HEXIM1: variants seen among roughly 807,000 people sequenced by gnomAD.
HEXIM1 encodes HEXIM P-TEFb complex subunit 1.
HEXIM1 carries 1 observed loss-of-function variant against 30.3 expected under a neutral mutation model. The observed-to-expected ratio is 0.03, with a 90% CI of 0.01 to 0.16. The LOEUF is 0.16. Among genes scored for constraint, HEXIM1 ranks in the 10% least tolerant of loss-of-function variants. The pLI is 1.00. For synonymous variants in HEXIM1, 245 were observed against 208.3 expected, an observed-to-expected ratio of 1.18 and a Z score of -1.52; for missense variants, 391 against 476.4, an observed-to-expected ratio of 0.82 and a Z score of 1.67.
chr17:45,149,566 G>A lies in HEXIM1; in HGVS notation c.376G>A (p.Glu126Lys), dbSNP rs776691576. The change falls in exon 1 of 1, where the codon GAG becomes AAG. Residue 126 changes from glutamate (E) to lysine (K), a missense_variant. This residue lies in a region of HEXIM1 where 230 missense variants were observed against 199.4 expected (regional missense o/e 1.15). Transcript: ENST00000332499. The surrounding 1 kb of genome is among the most constrained non-coding windows in gnomAD (Gnocchi z 5.3). ...ELLAQPCHDS[E>K]ASKLGAPAAG... ...GCTCGCCCAGCCTTGTCATGACTCC[G>A]AGGCCAGTAAGTTGGGGGCTCCTGC... The A allele has an allele frequency of 1.7e-5, 28 of 1,608,564 alleles. No individual in the cohort carries two copies. In the Middle Eastern group the frequency reaches 5.0e-4, roughly 28 times the overall value.
rs2144014286 is a variant in HEXIM1 at position 45,149,979 on chromosome 17, G to T, written c.789G>T (p.Leu263=). The change falls in exon 1 of 1, where the codon CTG becomes CTT. Residue 263 remains leucine, a synonymous_variant. Transcript: ENST00000332499. The surrounding 1 kb of genome is among the most constrained non-coding windows in gnomAD (Gnocchi z 5.3). ...TGGGAGGGGACGGCAGCGAGTTTCT[G>T]CAGCGGGACTTCTCGGAGACGTACG... is the stretch of plus-strand genomic sequence containing the variant. ...DGMGGDGSEF[L]QRDFSETYER... is the part of the protein sequence containing the mutation. 6.2e-7 allele frequency: 1 copy of T among 1,614,108 alleles called. No individual in the cohort carries two copies. The highest frequency in any genetic ancestry group is 8.5e-7 in the Non-Finnish European group (1 of 1,180,028).
Position 45,150,337 on chromosome 17 carries a change from CAT to C in HEXIM1, c.*68_*69del, listed in dbSNP as rs2055538589. On this transcript the variant is annotated 3_prime_UTR_variant, in exon 1 of 1. Coordinates refer to ENST00000332499, the MANE Select transcript of HEXIM1 (RefSeq NM_006460.3). Reference sequence around the variant, plus strand: ...CAGTGATGGAATGTAACATTATATACATGTGTATATAAGACAGTGGACCTTTT... The same window carrying C: ...CAGTGATGGAATGTAACATTATATACGTGTATATAAGACAGTGGACCTTTT... 2.6e-6 allele frequency: 4 copies of C among 1,538,076 alleles called. No homozygotes were observed. The highest frequency in any genetic ancestry group is 2.3e-5 in the East Asian group (1 of 44,222).
Position 45,150,249 on chromosome 17 carries a change from G to C in HEXIM1, c.1059G>C (p.Pro353=), listed in dbSNP as rs955720271. 90 of 1,608,530 alleles carry C rather than the reference G, an allele frequency of 5.6e-5. No homozygotes were observed. Among genetic ancestry groups the C allele is most frequent in the Non-Finnish European group, 7.7e-5 (90 of 1,176,358 alleles). ...NELHRQQERA[P]LSKFGD ...TGCACCGGCAGCAGGAGCGAGCGCCGCTTTCCAAGTTTGGAGACTAGACTG... is the reference window on the plus strand; with the variant it reads ...TGCACCGGCAGCAGGAGCGAGCGCCCCTTTCCAAGTTTGGAGACTAGACTG... The change falls in exon 1 of 1, where the codon CCG becomes CCC. Residue 353 remains proline, a synonymous_variant. Transcript: ENST00000332499.
chr17:45,150,513 A>C lies in HEXIM1; in HGVS notation c.*243A>C. ...TCCTTTTTAGAAGTTTTTTTCCTTA[A>C]TGTGAAAGTAATTTGACCAAGTTAT... On this transcript the variant is annotated 3_prime_UTR_variant, in exon 1 of 1. Coordinates refer to ENST00000332499, the MANE Select transcript of HEXIM1 (RefSeq NM_006460.3). The C allele has an allele frequency of 2.1e-6, 1 of 487,296 alleles. No homozygotes were observed. The allele number at this position is 487,296 out of a possible 1,614,324, so 30.2% of individuals were successfully genotyped here.
At position 45,149,169 on chromosome 17, in the gene HEXIM1, A is replaced by T. The variant is rs1246931398; in HGVS notation, c.-22A>T. 1.9e-6 allele frequency: 3 copies of T among 1,544,198 alleles called. No individual in the cohort carries two copies. Among genetic ancestry groups the T allele is most frequent in the Non-Finnish European group, 2.6e-6 (3 of 1,147,890 alleles). The stretch of plus-strand genomic sequence containing the variant: ...AGGACTTACTAGCCAAAATTTCTTA[A>T]ACTTCGAGGACTCTACTAGCCATGG... On this transcript the variant is annotated 5_prime_UTR_variant, in exon 1 of 1. Coordinates refer to ENST00000332499, the MANE Select transcript of HEXIM1 (RefSeq NM_006460.3). The surrounding 1 kb of genome is among the most constrained non-coding windows in gnomAD (Gnocchi z 5.3).
rs552016551 is a variant in HEXIM1 at position 45,149,857 on chromosome 17, G to T, written c.667G>T (p.Gly223Cys). The change falls in exon 1 of 1, where the codon GGC (glycine) becomes TGC (cysteine). Residue 223 changes from glycine to cysteine, a missense_variant. By Grantham distance (159) the Gly-to-Cys change is radical. This residue lies in a region of HEXIM1 where 38 missense variants were observed against 40.0 expected (regional missense o/e 0.95). Transcript: ENST00000332499. The surrounding 1 kb of genome is among the most constrained non-coding windows in gnomAD (Gnocchi z 5.3). ...CCAGGAGGAGCCGGATCTCAAAACC[G>T]GCCTGTACTCCAAGCGGGCCGCCGC... ...HDQEEPDLKTGLYSKRAAAKS... is the reference protein window; with the variant it reads ...HDQEEPDLKTCLYSKRAAAKS... 2 of 1,613,610 alleles carry T rather than the reference G, an allele frequency of 1.2e-6. No individual in the cohort carries two copies. The highest frequency in any genetic ancestry group is 2.2e-5 in the East Asian group (1 of 44,872).
In HEXIM1 at chr17:45,148,496, G is replaced by A. The variant is rs2055519955; in HGVS notation, c.-695G>A. ...AGACAGCAGTTGGAAGTTGGCAGGT[G>A]GAGAGGCAGGTTGGGAGGGAAAGTC... On this transcript the variant is annotated 5_prime_UTR_variant, in exon 1 of 1. Transcript: ENST00000332499. 2 of 398,900 alleles carry A rather than the reference G, an allele frequency of 5.0e-6. No individual in the cohort carries two copies. Among genetic ancestry groups the A allele is most frequent in the Admixed American group, 4.4e-5 (1 of 22,718 alleles). The allele number at this position is 398,900 out of a possible 1,614,324, so 24.7% of individuals were successfully genotyped here. A position where few individuals can be genotyped will look rare whatever the true frequency, so the allele number is the denominator to read the frequency against.
rs2055529584 is a variant in HEXIM1 at position 45,149,501 on chromosome 17, C to G, written c.311C>G (p.Pro104Arg). 1 of 1,609,174 alleles carries G rather than the reference C, an allele frequency of 6.2e-7. No individual in the cohort carries two copies. Among genetic ancestry groups the G allele is most frequent in the Non-Finnish European group, 8.5e-7 (1 of 1,178,486 alleles). ...GACTCGTCCGCTGGCGGCGACTTCCCGCCGCCGGCAGAAGTGGAACCGACG... is the reference window on the plus strand; with the variant it reads ...GACTCGTCCGCTGGCGGCGACTTCCGGCCGCCGGCAGAAGTGGAACCGACG... Reference protein sequence around the residue: ...GDDSSAGGDFPPPAEVEPTPE... With the variant: ...GDDSSAGGDFRPPAEVEPTPE... The change falls in exon 1 of 1, where the codon CCG (proline) becomes CGG (arginine). Residue 104 changes from proline (P) to arginine (R), a missense_variant. By Grantham distance (103) the Pro-to-Arg change is moderately radical (BLOSUM62 -2). This residue lies in a region of HEXIM1 where 230 missense variants were observed against 199.4 expected (regional missense o/e 1.15). Transcript: ENST00000332499. This position sits in a 1 kb window ranked among gnomAD's most constrained non-coding sequence, Gnocchi z 5.3.
chr17:45,150,425 T>C lies in HEXIM1; in HGVS notation c.*155T>C. ...TTGGTTTCGTAAATTTAGCTATATGTAGCTTGCGTGCTTTCTCCTGTTCTT... is the reference window on the plus strand; with the variant it reads ...TTGGTTTCGTAAATTTAGCTATATGCAGCTTGCGTGCTTTCTCCTGTTCTT... On this transcript the variant is annotated 3_prime_UTR_variant, in exon 1 of 1. Transcript: ENST00000332499. The C allele has an allele frequency of 1.3e-6, 1 of 763,386 alleles. No homozygotes were observed. Among genetic ancestry groups the C allele is most frequent in the Non-Finnish European group, 2.1e-6 (1 of 477,880 alleles). The allele number at this position is 763,386 out of a possible 1,614,324, so 47.3% of individuals were successfully genotyped here. A position where few individuals can be genotyped will look rare whatever the true frequency, so the allele number is the denominator to read the frequency against.
rs745722539 is a variant in HEXIM1, at chr17:45,149,315, A to C, written c.125A>C (p.Glu42Ala). ...RPPGAEERVP[E>A]EDSRWQSRAF... ...CCAGGCGCGGAGGAGCGGGTGCCCGAGGAGGACAGTAGGTGGCAATCGAGA... is the reference window on the plus strand; with the variant it reads ...CCAGGCGCGGAGGAGCGGGTGCCCGCGGAGGACAGTAGGTGGCAATCGAGA... Residue 42 changes from glutamate to alanine, a missense_variant, in exon 1 of 1, where the codon GAG becomes GCG. Glu to Ala is a moderately radical substitution (Grantham distance 107). Around this residue, in one of 5 missense-constraint regions of HEXIM1, gnomAD observed 230 missense variants for 199.4 expected, o/e 1.15. Coordinates refer to ENST00000332499, the MANE Select transcript of HEXIM1 (RefSeq NM_006460.3). This position sits in a 1 kb window ranked among gnomAD's most constrained non-coding sequence, Gnocchi z 5.3. 5 of 1,613,392 alleles carry C rather than the reference A, an allele frequency of 3.1e-6. No homozygotes were observed. Among genetic ancestry groups the C allele is most frequent in the Admixed American group, 1.7e-5 (1 of 59,984 alleles).
At position 45,148,618 on chromosome 17, in the gene HEXIM1, C is replaced by A; in HGVS notation, c.-573C>A. Reference sequence around the variant, plus strand: ...GAACTGAGCAGAGCAGAGCATCGAGCCAAAGGGGAGATGAGTTTGTCTGTC... The same window carrying A: ...GAACTGAGCAGAGCAGAGCATCGAGACAAAGGGGAGATGAGTTTGTCTGTC... On this transcript the variant is annotated 5_prime_UTR_variant, in exon 1 of 1. Transcript: ENST00000332499. 2.5e-6 allele frequency: 1 copy of A among 399,260 alleles called. No individual in the cohort carries two copies. Among genetic ancestry groups the A allele is most frequent in the Non-Finnish European group, 4.4e-6 (1 of 226,428 alleles). 24.7% of individuals were successfully genotyped at this position (399,260 alleles called of 1,614,324 possible). A position where few individuals can be genotyped will look rare whatever the true frequency, so the allele number is the denominator to read the frequency against.
Position 45,149,748 on chromosome 17 carries a change from T to C in HEXIM1, c.558T>C (p.Ala186=), listed in dbSNP as rs757165785. 8.1e-6 allele frequency: 13 copies of C among 1,613,636 alleles called. No homozygotes were observed. The highest frequency in any genetic ancestry group is 1.1e-5 in the Non-Finnish European group (13 of 1,179,954). The change falls in exon 1 of 1, where the codon GCT becomes GCC. Residue 186 remains alanine, a synonymous_variant. Coordinates refer to ENST00000332499, the MANE Select transcript of HEXIM1 (RefSeq NM_006460.3). The surrounding 1 kb of genome is among the most constrained non-coding windows in gnomAD (Gnocchi z 5.3). The stretch of plus-strand genomic sequence containing the variant: ...TCGACGAGAAACAGAGCCTTCGAGC[T>C]TCAAGGATCCGAGCCGAGATGTTCG... The part of the protein sequence containing the change: ...KKFDEKQSLR[A]SRIRAEMFAK...
rs2055545417 is a variant in HEXIM1, at chr17:45,151,151, A to G, written c.*881A>G. ...GTAAGGCTGGAAGAGGCTCTTGGCA[A>G]ACTTCTTAGTGCAAGCAATGGTTAG... On this transcript the variant is annotated 3_prime_UTR_variant, in exon 1 of 1. Transcript: ENST00000332499. 1 of 167,050 alleles carries G rather than the reference A, an allele frequency of 6.0e-6. No homozygotes were observed. The highest frequency in any genetic ancestry group is 2.1e-4 in the South Asian group (1 of 4,826). The allele number at this position is 167,050 out of a possible 1,614,324, so 10.3% of individuals were successfully genotyped here. A position where few individuals can be genotyped will look rare whatever the true frequency, so the allele number is the denominator to read the frequency against.
In HEXIM1 at chr17:45,149,097, T is replaced by G; in HGVS notation, c.-94T>G. On this transcript the variant is annotated 5_prime_UTR_variant, in exon 1 of 1. Coordinates refer to ENST00000332499, the MANE Select transcript of HEXIM1 (RefSeq NM_006460.3). This position sits in a 1 kb window ranked among gnomAD's most constrained non-coding sequence, Gnocchi z 5.3. ...CTGAAGAGGACTCTGTTGGACTGTT[T>G]TTTTTTTCTTTTTCTTTTTTTTAAG... 1 of 1,264,606 alleles carries G rather than the reference T, an allele frequency of 7.9e-7. No individual in the cohort carries two copies. Among genetic ancestry groups the G allele is most frequent in the Non-Finnish European group, 1.1e-6 (1 of 934,948 alleles). The allele number at this position is 1,264,606 out of a possible 1,614,324, so 78.3% of individuals were successfully genotyped here. A position where few individuals can be genotyped will look rare whatever the true frequency, so the allele number is the denominator to read the frequency against.
At position 45,150,353 on chromosome 17, in the gene HEXIM1, A is replaced by T. The variant is rs530637216; in HGVS notation, c.*83A>T. On this transcript the variant is annotated 3_prime_UTR_variant, in exon 1 of 1. Transcript: ENST00000332499. ...CATTATATACATGTGTATATAAGAC[A>T]GTGGACCTTTTTATGACACATAATC... The T allele has an allele frequency of 2.7e-6, 4 of 1,474,064 alleles. No homozygotes were observed. The highest frequency in any genetic ancestry group is 3.7e-6 in the Non-Finnish European group (4 of 1,091,974). 91.3% of individuals were successfully genotyped at this position (1,474,064 alleles called of 1,614,324 possible).
rs1019509788 is a variant in HEXIM1 at position 45,151,585 on chromosome 17, G to A, written c.*1315G>A. ...AACAGAAATTATGAGATTGCCTCCT[G>A]TCATTTTGGTTAACCCAGTCCTTCA... is the stretch of plus-strand genomic sequence containing the variant. On this transcript the variant is annotated 3_prime_UTR_variant, in exon 1 of 1. Transcript: ENST00000332499. 1.8e-5 allele frequency: 3 copies of A among 167,112 alleles called. No homozygotes were observed. Among genetic ancestry groups the A allele is most frequent in the African/African-American group, 7.2e-5 (3 of 41,458 alleles). The allele number at this position is 167,112 out of a possible 1,614,324, so 10.4% of individuals were successfully genotyped here. A position where few individuals can be genotyped will look rare whatever the true frequency, so the allele number is the denominator to read the frequency against.
At position 45,149,347 on chromosome 17, in the gene HEXIM1, C is replaced by T; in HGVS notation, c.157C>T (p.Pro53Ser). The change falls in exon 1 of 1, where the codon CCC becomes TCC. Residue 53 changes from proline to serine, a missense_variant. This residue lies in a region of HEXIM1 where 230 missense variants were observed against 199.4 expected (regional missense o/e 1.15). Coordinates refer to ENST00000332499, the MANE Select transcript of HEXIM1 (RefSeq NM_006460.3). This position sits in a 1 kb window ranked among gnomAD's most constrained non-coding sequence, Gnocchi z 5.3. Reference sequence around the variant, plus strand: ...CAGTAGGTGGCAATCGAGAGCGTTCCCCCAGTTGGGTGGCCGTCCGGGGCC... The same window carrying T: ...CAGTAGGTGGCAATCGAGAGCGTTCTCCCAGTTGGGTGGCCGTCCGGGGCC... ...EDSRWQSRAF[P>S]QLGGRPGPEG... 6.2e-7 allele frequency: 1 copy of T among 1,613,534 alleles called. No individual in the cohort carries two copies. The highest frequency in any genetic ancestry group is 8.5e-7 in the Non-Finnish European group (1 of 1,179,948).
chr17:45,150,090 C>G lies in HEXIM1; in HGVS notation c.900C>G (p.Arg300=). Residue 300 remains arginine (R), a synonymous_variant, in exon 1 of 1, where the codon CGC becomes CGG. Transcript: ENST00000332499. ...TGGAACTGGAGAAGTGCCTCTCGCG[C>G]ATGGAGGACGAGAACAACCGGCTGC... ...EYLELEKCLS[R]MEDENNRLRL... 1 of 1,613,874 alleles carries G rather than the reference C, an allele frequency of 6.2e-7. No individual in the cohort carries two copies. The highest frequency in any genetic ancestry group is 8.5e-7 in the Non-Finnish European group (1 of 1,180,036).
In HEXIM1 at chr17:45,150,459, G is replaced by C. The variant is rs1598116137; in HGVS notation, c.*189G>C. The C allele has an allele frequency of 2.3e-5, 14 of 603,546 alleles. No individual in the cohort carries two copies. The East Asian group carries it at 4.2e-4, about 18-fold the overall frequency. 37.4% of individuals were successfully genotyped at this position (603,546 alleles called of 1,614,324 possible). A position where few individuals can be genotyped will look rare whatever the true frequency, so the allele number is the denominator to read the frequency against. ...TGCTTTCTCCTGTTCTTTTAATTAT[G>C]TGAAACTGAAGAGTTGCTTTTCTTG... is the stretch of plus-strand genomic sequence containing the variant. On this transcript the variant is annotated 3_prime_UTR_variant, in exon 1 of 1. Coordinates refer to ENST00000332499, the MANE Select transcript of HEXIM1 (RefSeq NM_006460.3).
Sources: gnomAD v4.1 joint callset for allele counts on GRCh38, gnomAD v4.1.1 for gene constraint, gnomAD v4.1.1 regional missense constraint, Gnocchi (gnomAD v3.1) non-coding constraint, MANE v1.5 for transcripts, NCBI Gene and HGNC (gene_info 2026-07-23, HGNC 2026-07-21) for gene names.